The following PRDM5 variants were observed in gnomAD, a reference collection of about 807,000 sequenced individuals.
PRDM5 encodes PR/SET domain 5.
A neutral mutation model predicts 81.2 loss-of-function variants in PRDM5; 56 were observed. The observed-to-expected ratio is 0.69, with a 90% CI of 0.56 to 0.86. The LOEUF (loss-of-function observed/expected upper bound fraction) is 0.86. Among genes scored for constraint, PRDM5 ranks in the 40% least tolerant of loss-of-function variants. The probability of loss-of-function intolerance (pLI) is 0.00; values close to 1 mark genes in which losing one functional copy is unlikely to be tolerated. For missense variants in PRDM5, 697 were observed against 770.1 expected (o/e 0.91, Z 1.12); for synonymous variants, 267 against 256.4 (o/e 1.04, Z -0.39).
At chr4:120,820,201 C>T (rs1358226377) in intron 4 of PRDM5, among the ~76,000 whole-genome samples, 5 of 152,152 alleles carry the variant, frequency 3.3e-5, no homozygotes, top group South Asian at 4.1e-4. Flanking sequence ...GGGCTTAATG[C>T]CCTTGTAAAA....
At chr4:120,797,734 G>A (rs936746253) in intron 10 of PRDM5, among the ~76,000 whole-genome samples, 1 of 152,144 alleles carries the variant, frequency 6.6e-6, no homozygotes, top group African/African-American at 2.4e-5. Context: ...TGGGATTAAA[G>A]AAAATAAATC....
At chr4:120,704,420 T>A (rs2149009328) in intron 15 of PRDM5, among the ~76,000 whole-genome samples, 1 of 152,336 alleles carries the variant, frequency 6.6e-6, no homozygotes, top group South Asian at 2.1e-4. Flanking sequence ...GTGATTCGTA[T>A]CCAAACTTTC....
At chr4:120,741,002 C>T (rs1311533754) in intron 14 of PRDM5, among the ~76,000 whole-genome samples, 1 of 152,134 alleles carries the variant, frequency 6.6e-6, no homozygotes, top group Admixed American at 6.5e-5. Context: ...TTTTTTCTGG[C>T]CTGCCCTCTA....
At chr4:120,790,109 C>T (rs79861711) in intron 10 of PRDM5, among the ~76,000 whole-genome samples, 30,275 of 152,122 alleles carry the variant, frequency 0.2, 3,665 homozygotes, top group Non-Finnish European at 0.28. Flanking sequence ...TGGTAAGAGC[C>T]ATAACTCATG....
At chr4:120,883,630 T>C (rs1266912445) in intron 2 of PRDM5, among the ~76,000 whole-genome samples, 1 of 151,518 alleles carries the variant, frequency 6.6e-6, no homozygotes, top group Non-Finnish European at 1.5e-5. Context: ...ATACCTAATG[T>C]AAATAATGAG....
At chr4:120,885,150 A>AAAAAAAAAAAT (rs1763288142) in intron 2 of PRDM5, among the ~76,000 whole-genome samples, 3 of 144,402 alleles carry the variant, frequency 2.1e-5, no homozygotes, top group African/African-American at 8.2e-5. Flanking sequence ...AAAAAAAAAA[A>AAAAAAAAAAAT]AAAAAAGTAA....
intron 3 of PRDM5, among the ~76,000 whole-genome samples, chr4:120,824,924 C>G (rs1040652104): frequency 6.6e-6 from 1 of 152,126 alleles, no homozygotes; most frequent in African/African-American, 2.4e-5. Context: ...GTATAGTCAT[C>G]TTCTGCTCCT....
rs142073696 is a variant in PRDM5 at position 120,789,520 on chromosome 4, G to C, written c.1189-4429C>G. Among the ~76,000 whole-genome samples, 465 of 152,232 alleles carry C rather than the reference G, an allele frequency of 3.1e-3. 3 individuals are homozygous for C. The highest frequency in any genetic ancestry group is 0.011 in the African/African-American group (457 of 41,544). On this transcript the variant is annotated intron_variant, in intron 10 of 15. Transcript: ENST00000264808. Reference sequence around the variant, plus strand: ...CTTAAAATTAGAAGAAACAACTAAAGATAAAACAAATTTGGAGAAAATATT... The same window carrying C: ...CTTAAAATTAGAAGAAACAACTAAACATAAAACAAATTTGGAGAAAATATT...
intron 14 of PRDM5, among the ~76,000 whole-genome samples, chr4:120,723,150 A>G (rs1165368079): frequency 1.3e-5 from 2 of 152,238 alleles, no homozygotes; most frequent in Non-Finnish European, 2.9e-5. Flanking sequence ...TAGCACTGAC[A>G]ATGAACGAAA....
At chr4:120,888,016 T>A (rs1346434960) in intron 2 of PRDM5, among the ~76,000 whole-genome samples, 2 of 136,190 alleles carry the variant, frequency 1.5e-5, no homozygotes, top group Non-Finnish European at 3.1e-5. Flanking sequence ...ATGGTCTCGA[T>A]CTCCTGACCT....
intron 14 of PRDM5, among the ~76,000 whole-genome samples, chr4:120,711,002 C>T (rs1202613442): frequency 2.0e-5 from 3 of 152,210 alleles, no homozygotes; most frequent in Non-Finnish European, 4.4e-5. Context: ...TCAGTTTCAA[C>T]ATTGGATTGT....
At chr4:120,904,189 C>CAAAAAAAA (rs1170050475) in intron 2 of PRDM5, among the ~76,000 whole-genome samples, 26,637 of 42,380 alleles carry the variant, frequency 0.63, 11,752 homozygotes, top group Non-Finnish European at 0.72. Context: ...GACTCCTTCT[C>CAAAAAAAA]AAAAAAAAAA....
intron 14 of PRDM5, among the ~76,000 whole-genome samples, chr4:120,724,778 C>T (rs1465307666): frequency 1.3e-5 from 2 of 152,298 alleles, no homozygotes; most frequent in Admixed American, 6.5e-5. Flanking sequence ...CAGAAAGGTG[C>T]TATCACACAT....
At chr4:120,915,680 C>T (rs1441384359) in intron 1 of PRDM5, among the ~76,000 whole-genome samples, 1 of 152,164 alleles carries the variant, frequency 6.6e-6, no homozygotes, top group African/African-American at 2.4e-5. Context: ...AGAAACAGTA[C>T]AGGCTCAAGC....
intron 8 of PRDM5, among the ~76,000 whole-genome samples, chr4:120,808,823 C>G (rs1264974181): frequency 1.3e-5 from 2 of 152,234 alleles, no homozygotes; most frequent in African/African-American, 4.8e-5. Context: ...CTAAGTCCCT[C>G]ACTGCCCAGG....
At chr4:120,711,467 T>A (rs1404044315) in intron 14 of PRDM5, among the ~76,000 whole-genome samples, 3 of 67,810 alleles carry the variant, frequency 4.4e-5, no homozygotes, top group South Asian at 3.8e-4. Context: ...CCCAGCTATT[T>A]TTTTTTTTTT....
chr4:120,794,548 CACACACACACAT>C (rs1236498335), intron 10 of PRDM5, among the ~76,000 whole-genome samples: 26 of 128,534 alleles, frequency 2.0e-4, no homozygotes, highest in African/African-American at 2.4e-4. Context: ...CACACACACA[CACACACACACAT>C]ACAAATACAC....
At chr4:120,820,889 T>A (rs1755166437) in intron 4 of PRDM5, among the ~76,000 whole-genome samples, 1 of 152,194 alleles carries the variant, frequency 6.6e-6, no homozygotes, top group Admixed American at 6.5e-5. Flanking sequence ...ATTACCCCAA[T>A]GCGCCAGTGA....
At chr4:120,713,543 G>C (rs1301585668) in intron 14 of PRDM5, among the ~76,000 whole-genome samples, 8 of 152,000 alleles carry the variant, frequency 5.3e-5, no homozygotes, top group Non-Finnish European at 5.9e-5. Flanking sequence ...ACATGTTTTA[G>C]ATTGATCCTT....
Sources: allele counts gnomAD v4.1 joint callset (sites outside exome capture counted in the v4.1 genomes callset), GRCh38; gene constraint gnomAD v4.1.1; transcripts MANE v1.5; gene names NCBI Gene and HGNC (gene_info 2026-07-23, HGNC 2026-07-21).